CAMK2A: variants seen among roughly 807,000 people sequenced by gnomAD.
CAMK2A encodes calcium/calmodulin-dependent protein kinase type II subunit alpha.
CAMK2A carries 7 observed loss-of-function variants against 79.2 expected under a neutral mutation model. The ratio of observed to expected loss-of-function variants is 0.09; its 90% CI spans 0.05 to 0.17. The LOEUF (loss-of-function observed/expected upper bound fraction) is 0.17. Ranked by LOEUF, CAMK2A falls within the 10% of genes least tolerant of loss-of-function variation. CAMK2A has a pLI of 1.00. For synonymous variants in CAMK2A, 242 were observed against 251.7 expected, an observed-to-expected ratio of 0.96 and a Z score of 0.36; for missense variants, 214 against 646.4, an observed-to-expected ratio of 0.33 and a Z score of 7.25.
intron 1 of CAMK2A, among the ~76,000 whole-genome samples, chr5:150,289,141 G>A (rs1252305430): frequency 6.6e-6 from 1 of 152,212 alleles, no homozygotes; most frequent in Non-Finnish European, 1.5e-5. Flanking sequence ...CTCTGTCACT[G>A]GAGGTATCTA....
At chr5:150,226,744 A>AGGG (rs530069538) in intron 17 of CAMK2A, among the ~76,000 whole-genome samples, 103 of 84,442 alleles carry the variant, frequency 1.2e-3, no homozygotes, top group Admixed American at 1.9e-3. Flanking sequence ...AAAAAAAAAA[A>AGGG]GGGGGGGGGG....
At chr5:150,251,901 G>C in intron 8 of CAMK2A, 57 bp from the exon 9 acceptor site, 1 of 1,538,444 alleles carries the variant, frequency 6.5e-7, no homozygotes, top group South Asian at 1.1e-5. Flanking sequence ...ATGGGGGGAG[G>C]GGAGTGATGG....
At chr5:150,266,271 C>T (rs1480130394) in intron 2 of CAMK2A, among the ~76,000 whole-genome samples, 1 of 152,180 alleles carries the variant, frequency 6.6e-6, no homozygotes, top group Non-Finnish European at 1.5e-5. Context: ...TGATCCTACT[C>T]CGTGCCCCCA....
chr5:150,251,950 A>T, intron 8 of CAMK2A, 32 bp downstream of exon 8: 1 of 1,599,582 alleles, frequency 6.3e-7, no homozygotes, highest in Non-Finnish European at 8.6e-7. Flanking sequence ...GGGTGCAGCC[A>T]GGGGCACAAA....
In CAMK2A at chr5:150,222,397, A is replaced by T. The variant is rs1754358564; in HGVS notation, c.*313T>A. 3 of 665,248 alleles carry T rather than the reference A, an allele frequency of 4.5e-6. No individual in the cohort carries two copies. Among genetic ancestry groups the T allele is most frequent in the Non-Finnish European group, 8.2e-6 (3 of 366,018 alleles). The allele number at this position is 665,248 out of a possible 1,614,324, so 41.2% of individuals were successfully genotyped here. A position where few individuals can be genotyped will look rare whatever the true frequency, so the allele number is the denominator to read the frequency against. The stretch of plus-strand genomic sequence containing the variant: ...GCCCGGGCATTCTAGCCTACAGCCC[A>T]AGACAGATCAGGCGGACAGCAGCTG... On this transcript the variant is annotated 3_prime_UTR_variant, in exon 19 of 19. Coordinates refer to ENST00000671881, the MANE Select transcript of CAMK2A (RefSeq NM_015981.4).
intron 1 of CAMK2A, among the ~76,000 whole-genome samples, chr5:150,275,458 G>A (rs925539652): frequency 3.3e-5 from 5 of 152,168 alleles, no homozygotes; most frequent in Non-Finnish European, 7.3e-5. Context: ...ACTACCTAGA[G>A]TTAGTGCAGA....
chr5:150,252,236 G>T (rs1755868838), intron 7 of CAMK2A, among the ~76,000 whole-genome samples, 171 bp from the exon 8 acceptor site: 1 of 152,160 alleles, frequency 6.6e-6, no homozygotes, highest in Non-Finnish European at 1.5e-5. Flanking sequence ...GTCGGCCCAA[G>T]ACATAAGCCT....
Position 150,250,150 on chromosome 5 carries a change from G to A in CAMK2A, c.900+76C>T, listed in dbSNP as rs74642979. ...TCAATGAAGGAAAGAATTAGTGAGC[G>A]AGTCTCCTGGCCTCTGTGGAGACCC... On this transcript the variant is annotated intron_variant, in intron 11 of 18. Transcript: ENST00000671881. 9,025 of 1,021,330 alleles carry A rather than the reference G, an allele frequency of 8.8e-3. 417 individuals are homozygous for A. In the African/African-American group the frequency reaches 0.11, roughly 12 times the overall value. 63.3% of individuals were successfully genotyped at this position (1,021,330 alleles called of 1,614,324 possible). A position where few individuals can be genotyped will look rare whatever the true frequency, so the allele number is the denominator to read the frequency against.
At chr5:150,278,968 C>G (rs970090146) in intron 1 of CAMK2A, among the ~76,000 whole-genome samples, 1 of 152,124 alleles carries the variant, frequency 6.6e-6, no homozygotes, top group African/African-American at 2.4e-5. Flanking sequence ...CCGGAGGAAC[C>G]AAGTCTCAGC....
In CAMK2A at chr5:150,222,301, G is replaced by A. The variant is rs982772977; in HGVS notation, c.*409C>T. On this transcript the variant is annotated 3_prime_UTR_variant, in exon 19 of 19. Transcript: ENST00000671881. ...GGACACTGGAAGAGGAGAGGTCTGG[G>A]AGAGGGACGGACGGATGCTGCCTTC... 37 of 595,016 alleles carry A rather than the reference G, an allele frequency of 6.2e-5. No homozygotes were observed. The highest frequency in any genetic ancestry group is 1.1e-4 in the Non-Finnish European group (37 of 332,874). The allele number at this position is 595,016 out of a possible 1,614,324, so 36.9% of individuals were successfully genotyped here. A position where few individuals can be genotyped will look rare whatever the true frequency, so the allele number is the denominator to read the frequency against.
chr5:150,261,610 T>C (rs1051510733), intron 3 of CAMK2A, among the ~76,000 whole-genome samples: 7 of 152,222 alleles, frequency 4.6e-5, no homozygotes, highest in Admixed American at 4.6e-4. Context: ...ATTTTTTTCT[T>C]GGAGGTTGAA....
At chr5:150,276,352 C>T (rs1756943625) in intron 1 of CAMK2A, among the ~76,000 whole-genome samples, 1 of 152,144 alleles carries the variant, frequency 6.6e-6, no homozygotes, top group Non-Finnish European at 1.5e-5. Flanking sequence ...GCTTGAATAC[C>T]CAGCGTCTAG....
At chr5:150,267,855 C>T (rs935241848) in intron 2 of CAMK2A, among the ~76,000 whole-genome samples, 3 of 151,500 alleles carry the variant, frequency 2.0e-5, no homozygotes, top group African/African-American at 4.9e-5. Flanking sequence ...TCCCCCCACT[C>T]CTCCCCTCAG....
At chr5:150,230,868 C>T (rs937136582) in intron 16 of CAMK2A, among the ~76,000 whole-genome samples, 34 of 152,190 alleles carry the variant, frequency 2.2e-4, no homozygotes, top group African/African-American at 8.2e-4. Flanking sequence ...CCTGCTTGCT[C>T]CTGCCCATCT....
chr5:150,278,285 A>G (rs1757041093), intron 1 of CAMK2A, among the ~76,000 whole-genome samples: 1 of 152,072 alleles, frequency 6.6e-6, no homozygotes, highest in South Asian at 2.1e-4. Context: ...CCTGCCTGCC[A>G]TGGCAGTGGG....
In CAMK2A at chr5:150,286,372, C is replaced by T. The variant is rs756939310; in HGVS notation, c.62+3192G>A. Among the ~76,000 whole-genome samples, 99 of 152,332 alleles carry T rather than the reference C, an allele frequency of 6.5e-4. 1 individual carries two copies. In the Middle Eastern group the frequency reaches 0.014, roughly 21 times the overall value. On this transcript the variant is annotated intron_variant, in intron 1 of 18. Coordinates refer to ENST00000671881, the MANE Select transcript of CAMK2A (RefSeq NM_015981.4). ...CAGTCACAGGTTCCCAGAGGGCTGCCCACCAGGGCTGGAGAAGAGCAGCTA... is the reference window on the plus strand; with the variant it reads ...CAGTCACAGGTTCCCAGAGGGCTGCTCACCAGGGCTGGAGAAGAGCAGCTA...
intron 1 of CAMK2A, among the ~76,000 whole-genome samples, chr5:150,279,743 C>T (rs1035082745): frequency 1.3e-5 from 2 of 152,184 alleles, no homozygotes; most frequent in African/African-American, 4.8e-5. Context: ...GGCAGGGAGG[C>T]CCCCCTCCGG....
At chr5:150,287,097 C>T (rs1202994829) in intron 1 of CAMK2A, among the ~76,000 whole-genome samples, 1 of 152,200 alleles carries the variant, frequency 6.6e-6, no homozygotes, top group African/African-American at 2.4e-5. Context: ...CCACTGGATG[C>T]TCAGACTGAA....
chr5:150,285,411 C>T (rs1562208861), intron 1 of CAMK2A, among the ~76,000 whole-genome samples: 1 of 152,188 alleles, frequency 6.6e-6, no homozygotes, highest in Non-Finnish European at 1.5e-5. Context: ...TACATGGATG[C>T]CCAGTGTCCT....
Sources: allele counts gnomAD v4.1 joint callset (sites outside exome capture counted in the v4.1 genomes callset), GRCh38; gene constraint gnomAD v4.1.1; transcripts MANE v1.5; gene names NCBI Gene and HGNC (gene_info 2026-07-23, HGNC 2026-07-21).